Variants in BRAF observed in about 807,000 individuals in gnomAD.
BRAF encodes B-Raf proto-oncogene, serine/threonine kinase, also known as serine/threonine-protein kinase B-raf.
In BRAF, 16 loss-of-function variants were observed where a neutral mutation model predicts 104.6. That is an observed-to-expected ratio of 0.15 (90% confidence interval 0.10 to 0.23). The LOEUF (loss-of-function observed/expected upper bound fraction) is 0.23, where lower values mean the gene tolerates loss of function less well. Among genes scored for constraint, BRAF ranks in the 10% least tolerant of loss-of-function variants. The probability of loss-of-function intolerance (pLI) is 1.00; values close to 1 mark genes in which losing one functional copy is unlikely to be tolerated. For synonymous variants in BRAF, 310 were observed against 341.6 expected, an observed-to-expected ratio of 0.91 and a Z score of 1.02; for missense variants, 541 against 937.3, an observed-to-expected ratio of 0.58 and a Z score of 5.52.
At chr7:140,783,226 G>C in intron 10 of BRAF, 69 bp from the exon 10 acceptor site, 1 of 1,570,904 alleles carries the variant, frequency 6.4e-7, no homozygotes, top group African/African-American at 1.4e-5. Context: ...AGGGGTAGAA[G>C]GTTGGGGGAT....
At chr7:140,874,884 G>GT (rs1337535765) in intron 1 of BRAF, among the ~76,000 whole-genome samples, 11 of 152,188 alleles carry the variant, frequency 7.2e-5, no homozygotes, top group Non-Finnish European at 1.5e-5. Flanking sequence ...CATTGTGATA[G>GT]TGAGTTTTTA....
At chr7:140,774,852 T>A (rs1800180121) in intron 14 of BRAF, among the ~76,000 whole-genome samples, 1 of 152,202 alleles carries the variant, frequency 6.6e-6, no homozygotes, top group African/African-American at 2.4e-5. Context: ...GGATTTGGCA[T>A]CTCTTTCTTC....
intron 19 of BRAF, among the ~76,000 whole-genome samples, chr7:140,728,533 G>T (rs1215167814): frequency 1.3e-5 from 2 of 150,168 alleles, no homozygotes; most frequent in African/African-American, 4.9e-5. Flanking sequence ...GAGGATTGGG[G>T]AATCTAGCAC....
intron 3 of BRAF, among the ~76,000 whole-genome samples, chr7:140,829,287 G>T (rs1806439471): frequency 6.7e-6 from 1 of 148,676 alleles, no homozygotes; most frequent in African/African-American, 2.5e-5. Flanking sequence ...TTAAGATAGT[G>T]ACCTCAACTC....
intron 8 of BRAF, among the ~76,000 whole-genome samples, chr7:140,788,255 T>C (rs1801599557): frequency 6.6e-6 from 1 of 152,212 alleles, no homozygotes; most frequent in Non-Finnish European, 1.5e-5. Context: ...ATTCTACTTC[T>C]GGGAACTTTT....
rs184420269 is a variant in BRAF, at chr7:140,871,586, C to A, written c.139-21374G>T. ...TTCCAATATTTTTAACCTTTATTAA[C>A]CTTTAGACACCTAAAAAAAACCAAG... On this transcript the variant is annotated intron_variant, in intron 1 of 19. Coordinates refer to ENST00000644969, the MANE Select transcript of BRAF (RefSeq NM_001374258.1). 3.2e-3 allele frequency among the ~76,000 whole-genome samples: 492 copies of A among 152,182 alleles called. 2 individuals carry two copies. The highest frequency in any genetic ancestry group is 3.9e-3 in the Non-Finnish European group (265 of 68,020).
intron 7 of BRAF, 137 bp from the exon 8 acceptor site, chr7:140,794,604 G>A: frequency 9.4e-7 from 1 of 1,062,232 alleles, no homozygotes; most frequent in East Asian, 2.6e-5. Flanking sequence ...TAGCAGTAAT[G>A]ACTTTTAAAA....
At chr7:140,734,323 G>A in intron 19 of BRAF, 1 of 1,270,016 alleles carries the variant, frequency 7.9e-7, no homozygotes, top group African/African-American at 1.5e-5. Context: ...CCAAGTGAAT[G>A]ATACAAACCC....
chr7:140,815,215 G>T (rs1804738892), intron 3 of BRAF, among the ~76,000 whole-genome samples: 1 of 150,254 alleles, frequency 6.7e-6, no homozygotes, highest in African/African-American at 2.5e-5. Context: ...TCAGCTCACT[G>T]CAAGCTCCAC....
At chr7:140,864,382 A>G (rs1810721376) in intron 1 of BRAF, among the ~76,000 whole-genome samples, 1 of 152,220 alleles carries the variant, frequency 6.6e-6, no homozygotes, top group African/African-American at 2.4e-5. Context: ...CAGTGATGCC[A>G]TGAGGGAGAG....
At chr7:140,897,298 C>T (rs1381743042) in intron 1 of BRAF, among the ~76,000 whole-genome samples, 1 of 151,924 alleles carries the variant, frequency 6.6e-6, no homozygotes, top group Non-Finnish European at 1.5e-5. Flanking sequence ...TGAGAGGTTG[C>T]TTTACAAATA....
Position 140,725,182 on chromosome 7 carries a change from G to A in BRAF, c.*1312C>T, listed in dbSNP as rs1472948571. On this transcript the variant is annotated 3_prime_UTR_variant, in exon 20 of 20. Coordinates refer to ENST00000644969, the MANE Select transcript of BRAF (RefSeq NM_001374258.1). ...TTTTTATTTTAGGTTGCATATTCTA[G>A]ATAAAAGACTAGAAAGAAGATGTGG... is the stretch of plus-strand genomic sequence containing the variant. The A allele has an allele frequency of 1.9e-6, 2 of 1,043,192 alleles. No individual in the cohort carries two copies. Among genetic ancestry groups the A allele is most frequent in the East Asian group, 5.7e-5 (1 of 17,426 alleles). 64.6% of individuals were successfully genotyped at this position (1,043,192 alleles called of 1,614,324 possible).
rs1181598667 is a variant in BRAF, at chr7:140,924,895, C to T, written c.-192G>A. 6.9e-6 allele frequency: 1 copy of T among 145,910 alleles called. No homozygotes were observed. Among genetic ancestry groups the T allele is most frequent in the African/African-American group, 2.7e-5 (1 of 37,244 alleles). The allele number at this position is 145,910 out of a possible 1,614,324, so 9.0% of individuals were successfully genotyped here. A position where few individuals can be genotyped will look rare whatever the true frequency, so the allele number is the denominator to read the frequency against. Reference sequence around the variant, plus strand: ...CCACCTCAGGTACCGGCCCGCGGCCCCGGGCGCAGCCGAGCCTGAGGGGAT... The same window carrying T: ...CCACCTCAGGTACCGGCCCGCGGCCTCGGGCGCAGCCGAGCCTGAGGGGAT... On this transcript the variant is annotated 5_prime_UTR_variant, in exon 1 of 20. Transcript: ENST00000644969. This position sits in a 1 kb window ranked among gnomAD's most constrained non-coding sequence, Gnocchi z 4.2.
chr7:140,819,824 G>A (rs1287381777), intron 3 of BRAF, among the ~76,000 whole-genome samples: 1 of 152,146 alleles, frequency 6.6e-6, no homozygotes, highest in Non-Finnish European at 1.5e-5. Context: ...ACATAGGGAT[G>A]GGAGGAATGG....
At position 140,747,359 on chromosome 7, in the gene BRAF, G is replaced by T. The variant is rs192329429; in HGVS notation, c.2112+1928C>A. On this transcript the variant is annotated intron_variant, in intron 17 of 19. Transcript: ENST00000644969. ...TATTAGAAAGAATTAACTAGTAAAGGCCTTACCCTTCTGTTGGTCACACAT... is the reference window on the plus strand; with the variant it reads ...TATTAGAAAGAATTAACTAGTAAAGTCCTTACCCTTCTGTTGGTCACACAT... 1.2e-3 allele frequency: 1,529 copies of T among 1,261,838 alleles called. 25 individuals are homozygous for T. In the South Asian group the frequency reaches 0.019, roughly 16 times the overall value. The allele number at this position is 1,261,838 out of a possible 1,614,324, so 78.2% of individuals were successfully genotyped here.
At chr7:140,749,065 T>C in intron 17 of BRAF, 2 of 507,138 alleles carry the variant, frequency 3.9e-6, no homozygotes, top group Non-Finnish European at 7.0e-6. Context: ...AGTCAGAAAA[T>C]CAGGAATTTT....
At chr7:140,849,754 G>A (rs2129073387) in intron 2 of BRAF, among the ~76,000 whole-genome samples, 1 of 152,170 alleles carries the variant, frequency 6.6e-6, no homozygotes, top group Non-Finnish European at 1.5e-5. Context: ...GGAGGTTGTA[G>A]TGAGCTGAGA....
At chr7:140,755,342 TTAAAA>T (rs1798118279) in intron 14 of BRAF, among the ~76,000 whole-genome samples, 1 of 152,200 alleles carries the variant, frequency 6.6e-6, no homozygotes, top group South Asian at 2.1e-4. Flanking sequence ...CAGTTTTACC[TTAAAA>T]TGAGAATTTA....
intron 14 of BRAF, 122 bp downstream of exon 13, chr7:140,776,790 C>A: frequency 1.1e-6 from 1 of 937,012 alleles, no homozygotes; most frequent in East Asian, 2.5e-5. Flanking sequence ...CATTAGTTAG[C>A]ATCCTTATGT....
Sources: gnomAD v4.1 joint callset for allele counts (sites outside exome capture counted in the v4.1 genomes callset) on GRCh38, gnomAD v4.1.1 for gene constraint, Gnocchi (gnomAD v3.1) non-coding constraint, MANE v1.5 for transcripts, NCBI Gene and HGNC (gene_info 2026-07-23, HGNC 2026-07-21) for gene names.